Variants in PRICKLE1 observed in about 807,000 individuals in gnomAD.
PRICKLE1 encodes prickle planar cell polarity protein 1, also known as prickle-like protein 1.
Under a neutral mutation model 70.2 loss-of-function variants are expected in PRICKLE1, and 14 were observed. The observed-to-expected ratio is 0.20, with a 90% CI of 0.13 to 0.31. PRICKLE1 has a LOEUF of 0.31. Among genes scored for constraint, PRICKLE1 ranks in the 10% least tolerant of loss-of-function variants. PRICKLE1 has a pLI of 1.00. For synonymous variants in PRICKLE1, 357 were observed against 379.9 expected, an observed-to-expected ratio of 0.94 and a Z score of 0.70; for missense variants, 821 against 1,026.2, an observed-to-expected ratio of 0.80 and a Z score of 2.73.
chr12:42,493,426 T>A (rs1289140817), intron 1 of PRICKLE1, among the ~76,000 whole-genome samples: 1 of 152,154 alleles, frequency 6.6e-6, no homozygotes, highest in Non-Finnish European at 1.5e-5. Flanking sequence ...TAAGATCTGA[T>A]AGGGTAATGG....
At chr12:42,475,220 A>G (rs1275559609) in intron 1 of PRICKLE1, among the ~76,000 whole-genome samples, 1 of 152,238 alleles carries the variant, frequency 6.6e-6, no homozygotes, top group Non-Finnish European at 1.5e-5. Flanking sequence ...CAAAGTAAAG[A>G]GTCCAACTGA....
intron 7 of PRICKLE1, among the ~76,000 whole-genome samples, chr12:42,463,063 G>A (rs1937919441): frequency 6.6e-6 from 1 of 152,146 alleles, no homozygotes; most frequent in Admixed American, 6.5e-5. Flanking sequence ...GCTCACACCT[G>A]TAATCCCAGC....
chr12:42,459,752 AACG>A lies in PRICKLE1; in HGVS notation c.*54_*56del, dbSNP rs1259967666. ...ACAACTTTCCTACGGAAGAAAAGGA[AACG>A]ATTCAGACGGTTAATGGCTAAGTTT... On this transcript the variant is annotated 3_prime_UTR_variant, in exon 8 of 8. Coordinates refer to ENST00000345127, the MANE Select transcript of PRICKLE1 (RefSeq NM_153026.3). 5 of 1,604,672 alleles carry A rather than the reference AACG, an allele frequency of 3.1e-6. No homozygotes were observed. The African/African-American group carries it at 6.7e-5, about 21-fold the overall frequency.
intron 1 of PRICKLE1, among the ~76,000 whole-genome samples, chr12:42,557,698 A>T (rs1042971789): frequency 1.3e-5 from 2 of 152,220 alleles, no homozygotes; most frequent in African/African-American, 2.4e-5. Flanking sequence ...AGTGATTACA[A>T]TTCTGAGGTT....
intron 1 of PRICKLE1, among the ~76,000 whole-genome samples, chr12:42,492,877 C>T (rs1410066491): frequency 1.3e-5 from 2 of 152,084 alleles, no homozygotes; most frequent in Admixed American, 6.6e-5. Flanking sequence ...ATACTCTGGC[C>T]TGGTACATTA....
At chr12:42,496,774 C>G (rs1939209108) in intron 1 of PRICKLE1, among the ~76,000 whole-genome samples, 1 of 152,034 alleles carries the variant, frequency 6.6e-6, no homozygotes, top group Non-Finnish European at 1.5e-5. Context: ...TCTGTAGCTT[C>G]CTCACCTCTC....
rs150845721 is a variant in PRICKLE1, at chr12:42,555,166, T to C, written c.-49+34299A>G. On this transcript the variant is annotated intron_variant, in intron 1 of 7. Coordinates refer to ENST00000345127, the MANE Select transcript of PRICKLE1 (RefSeq NM_153026.3). The stretch of plus-strand genomic sequence containing the variant: ...AAAAATACAAAAAATTAGCCAGGTA[T>C]GGTGGTGCACGCCTGTAATCCCAGT... Among the ~76,000 whole-genome samples, 1,187 of 152,138 alleles carry C rather than the reference T, an allele frequency of 7.8e-3. 7 individuals are homozygous for C. The highest frequency in any genetic ancestry group is 0.012 in the Non-Finnish European group (839 of 67,998).
intron 1 of PRICKLE1, among the ~76,000 whole-genome samples, chr12:42,515,361 TC>T (rs1939591857): frequency 6.6e-6 from 1 of 151,512 alleles, no homozygotes; most frequent in African/African-American, 2.4e-5. Context: ...TGCCTCAGCC[TC>T]CCAAGTAGCT....
At chr12:42,541,426 G>A (rs1424884249) in intron 1 of PRICKLE1, among the ~76,000 whole-genome samples, 3 of 150,848 alleles carry the variant, frequency 2.0e-5, no homozygotes, top group African/African-American at 7.3e-5. Flanking sequence ...CTGCAGCCTC[G>A]ACCTCCTGGG....
chr12:42,554,570 T>C (rs1940382637), intron 1 of PRICKLE1, among the ~76,000 whole-genome samples: 1 of 152,156 alleles, frequency 6.6e-6, no homozygotes, highest in Admixed American at 6.5e-5. Context: ...CGTTTGCAGT[T>C]TACAAGTTAC....
At chr12:42,553,368 G>A (rs927805070) in intron 1 of PRICKLE1, among the ~76,000 whole-genome samples, 3 of 151,752 alleles carry the variant, frequency 2.0e-5, no homozygotes, top group African/African-American at 7.3e-5. Context: ...GGCGTGAACC[G>A]GGGAGGCAGA....
At chr12:42,475,724 CCTTTAT>C (rs1388652273) in intron 1 of PRICKLE1, among the ~76,000 whole-genome samples, 41 of 152,202 alleles carry the variant, frequency 2.7e-4, no homozygotes, top group African/African-American at 9.4e-4. Flanking sequence ...TTTTCTTTTT[CCTTTAT>C]ATCAGAGAAT....
At chr12:42,505,765 A>G (rs559624917) in intron 1 of PRICKLE1, among the ~76,000 whole-genome samples, 20 of 152,224 alleles carry the variant, frequency 1.3e-4, no homozygotes, top group Admixed American at 9.2e-4. Flanking sequence ...GTGCTCCAAC[A>G]GCAATTGATG....
At chr12:42,477,955 C>CTTTTTTTTTTTTTTTTT (rs35905569) in intron 1 of PRICKLE1, among the ~76,000 whole-genome samples, 1 of 133,136 alleles carries the variant, frequency 7.5e-6, no homozygotes. Context: ...CTGCCCTATA[C>CTTTTTTTTTTTTTTTTT]TTTTTTTTTT....
intron 1 of PRICKLE1, among the ~76,000 whole-genome samples, chr12:42,548,097 A>G (rs1375578717): frequency 6.6e-6 from 1 of 152,036 alleles, no homozygotes; most frequent in East Asian, 1.9e-4. Context: ...TGTTGCTCAC[A>G]CTGGCCTCAA....
At chr12:42,488,158 CTGT>C (rs1459019000) in intron 1 of PRICKLE1, among the ~76,000 whole-genome samples, 4 of 152,208 alleles carry the variant, frequency 2.6e-5, no homozygotes, top group African/African-American at 4.8e-5. Flanking sequence ...CTCCTCACCC[CTGT>C]TGTTCCAAGG....
At chr12:42,490,934 G>A (rs1198704331) in intron 1 of PRICKLE1, among the ~76,000 whole-genome samples, 2 of 151,802 alleles carry the variant, frequency 1.3e-5, no homozygotes, top group Non-Finnish European at 2.9e-5. Context: ...GCAATGGTGC[G>A]ATCTTGGCTC....
chr12:42,527,957 ATATATATATATATATC>A (rs1191774546), intron 1 of PRICKLE1, among the ~76,000 whole-genome samples: 7,705 of 26,096 alleles, frequency 0.3, 979 homozygotes, highest in East Asian at 0.38. Flanking sequence ...ATATATATAT[ATATATATATATATATC>A]TCCAAAGTTT....
intron 1 of PRICKLE1, among the ~76,000 whole-genome samples, chr12:42,525,415 G>C (rs1019942721): frequency 1.1e-4 from 17 of 152,180 alleles, no homozygotes; most frequent in Non-Finnish European, 2.4e-4. Context: ...CCCCAATATA[G>C]AGCTGGTCAG....
Sources: allele counts gnomAD v4.1 joint callset (sites outside exome capture counted in the v4.1 genomes callset), GRCh38; gene constraint gnomAD v4.1.1; transcripts MANE v1.5; gene names NCBI Gene and HGNC (gene_info 2026-07-23, HGNC 2026-07-21).